Variants in CES3 observed in about 807,000 individuals in gnomAD.
CES3 encodes carboxylesterase 3 (brain).
CES3 carries 49 observed loss-of-function variants against 57.6 expected under a neutral mutation model. That is an observed-to-expected ratio of 0.85 (90% CI 0.68 to 1.08). CES3 has a LOEUF of 1.08. Ranked by LOEUF, CES3 falls within the 50% of genes least tolerant of loss-of-function variation. The probability of loss-of-function intolerance (pLI) is 0.00; values close to 1 mark genes in which losing one functional copy is unlikely to be tolerated. For synonymous variants in CES3, 266 were observed against 281.6 expected, an observed-to-expected ratio of 0.94 and a Z score of 0.55; for missense variants, 645 against 742.0, an observed-to-expected ratio of 0.87 and a Z score of 1.52.
rs745698163 is a variant in CES3, at chr16:66,963,952, G to T, written c.560+17G>T. The T allele has an allele frequency of 3.1e-6, 5 of 1,607,072 alleles. No homozygotes were observed. The highest frequency in any genetic ancestry group is 1.7e-6 in the Non-Finnish European group (2 of 1,174,556). On this transcript the variant is annotated intron_variant, in intron 4 of 12. Coordinates refer to ENST00000303334, the MANE Select transcript of CES3 (RefSeq NM_024922.6). This position sits in a 1 kb window ranked among gnomAD's most constrained non-coding sequence, Gnocchi z 4.9. ...CTTCTTCAGGTGAGACGACAGGCAT[G>T]GCCAGAGCACTGCCTGCACCGGGGA...
Position 66,961,295 on chromosome 16 carries a change from A to G in CES3, c.-13A>G. ...CACCTTCTGAAGCTTCTGTCGAACC[A>G]GTTGTAAGGAGAATGGAGAGAGCAG... On this transcript the variant is annotated 5_prime_UTR_variant, in exon 1 of 13. Coordinates refer to ENST00000303334, the MANE Select transcript of CES3 (RefSeq NM_024922.6). 1.2e-6 allele frequency: 2 copies of G among 1,611,642 alleles called. No homozygotes were observed. The highest frequency in any genetic ancestry group is 1.7e-6 in the Non-Finnish European group (2 of 1,178,128).
chr16:66,971,310 T>A lies in CES3; in HGVS notation c.1282T>A (p.Tyr428Asn), dbSNP rs1043545862. The stretch of plus-strand genomic sequence containing the variant: ...TGTTCCCACCGTCAGTTTTTCAAGA[T>A]ACCTTCGAGGTAAGCCTGTCCCTGG... ...INVPTVSFSR[Y>N]LRDSGSPVFF... is the part of the protein sequence containing the mutation. The change falls in exon 10 of 13, where the codon TAC (tyrosine) becomes AAC (asparagine). Residue 428 changes from tyrosine (Y) to asparagine (N), a missense_variant. Tyr to Asn is a moderately radical substitution (Grantham distance 143). Coordinates refer to ENST00000303334, the MANE Select transcript of CES3 (RefSeq NM_024922.6). The A allele has an allele frequency of 6.2e-7, 1 of 1,613,458 alleles. No homozygotes were observed.
chr16:66,968,377 A>G (rs1219738750), intron 8 of CES3, among the ~76,000 whole-genome samples: 1 of 152,066 alleles, frequency 6.6e-6, no homozygotes, highest in Non-Finnish European at 1.5e-5. Context: ...CATGTTGGAC[A>G]GGCTGATCTG....
chr16:66,972,410 C>T lies in CES3; in HGVS notation c.1346C>T (p.Ala449Val), dbSNP rs377199306. The T allele has an allele frequency of 3.2e-5, 51 of 1,613,418 alleles. 1 individual carries two copies. The South Asian group carries it at 4.8e-4, about 15-fold the overall frequency. ...YEFQHRPSSF[A>V]KIKPAWVKAD... ...TTCCAGCATCGACCCAGTTCTTTTG[C>T]GAAGATCAAACCTGCCTGGGTGAAG... The change falls in exon 11 of 13, where the codon GCG (alanine) becomes GTG (valine). Residue 449 changes from alanine (A) to valine (V), a missense_variant. By Grantham distance (64) the Ala-to-Val change is moderately conservative. Transcript: ENST00000303334.
At chr16:66,972,072 G>T (rs1198446194) in intron 10 of CES3, among the ~76,000 whole-genome samples, 1 of 152,166 alleles carries the variant, frequency 6.6e-6, no homozygotes, top group African/African-American at 2.4e-5. Context: ...GGGAGTCTCA[G>T]GCTGCAGTGA....
intron 8 of CES3, among the ~76,000 whole-genome samples, chr16:66,969,363 G>A (rs1023243387): frequency 6.6e-6 from 1 of 151,986 alleles, no homozygotes; most frequent in African/African-American, 2.4e-5. Context: ...CCGAGATTGC[G>A]CCACTGCACT....
chr16:66,972,904 A>G lies in CES3; in HGVS notation c.1571A>G (p.Glu524Gly), dbSNP rs1276606061. The G allele has an allele frequency of 6.2e-7, 1 of 1,614,058 alleles. No homozygotes were observed. The highest frequency in any genetic ancestry group is 1.3e-5 in the African/African-American group (1 of 74,926). Residue 524 changes from glutamate to glycine, a missense_variant, in exon 13 of 13, where the codon GAA (glutamate) becomes GGA (glycine). Transcript: ENST00000303334. The part of the protein sequence containing the change: ...LPPWPQFNQA[E>G]QYLEINPVPR... ...CCTTGGCCCCAATTCAACCAGGCGG[A>G]ACAATATCTGGAGATCAACCCAGTG...
At chr16:66,966,163 A>C in intron 6 of CES3, 81 bp from the exon 7 acceptor site, 1 of 1,259,832 alleles carries the variant, frequency 7.9e-7, no homozygotes, top group South Asian at 1.3e-5. Context: ...CTACAGATGC[A>C]CCCTCTCTGT....
At chr16:66,961,421 C>A (rs1471389042) in intron 1 of CES3, 32 bp downstream of exon 1, 6 of 1,572,972 alleles carry the variant, frequency 3.8e-6, no homozygotes, top group African/African-American at 1.3e-5. Context: ...TGCAGAGGTA[C>A]TTGGTGTGGA....
At chr16:66,966,576 C>A in intron 7 of CES3, 149 bp from the exon 8 acceptor site, 2 of 1,032,972 alleles carry the variant, frequency 1.9e-6, no homozygotes. Flanking sequence ...TCTCCTGGTT[C>A]CCCCGACCCC....
At chr16:66,961,666 C>G (rs545381986) in intron 1 of CES3, among the ~76,000 whole-genome samples, 1 of 152,074 alleles carries the variant, frequency 6.6e-6, no homozygotes, top group Non-Finnish European at 1.5e-5. Flanking sequence ...TGGATTCAAG[C>G]GATTCTCCTG....
At chr16:66,966,433 C>A (rs1045482788) in intron 7 of CES3, 88 bp downstream of exon 7, 1 of 1,352,618 alleles carries the variant, frequency 7.4e-7, no homozygotes, top group South Asian at 1.3e-5. Context: ...GCAGTCTACC[C>A]CCAGGTGGGG....
Position 66,963,407 on chromosome 16 carries a change from G to A in CES3, c.287+24G>A, listed in dbSNP as rs769305330. 58 of 1,611,302 alleles carry A rather than the reference G, an allele frequency of 3.6e-5. No individual in the cohort carries two copies. Among genetic ancestry groups the A allele is most frequent in the Non-Finnish European group, 4.6e-5 (54 of 1,178,492 alleles). On this transcript the variant is annotated intron_variant, in intron 2 of 12. Coordinates refer to ENST00000303334, the MANE Select transcript of CES3 (RefSeq NM_024922.6). This position sits in a 1 kb window ranked among gnomAD's most constrained non-coding sequence, Gnocchi z 4.9. ...ATGTGAGTAGTGCTGGTGGAGGCGG[G>A]CAAACAGGCAGGTTGCAGGAGAATC...
At chr16:66,966,586 C>T in intron 7 of CES3, 139 bp from the exon 8 acceptor site, 2 of 1,165,790 alleles carry the variant, frequency 1.7e-6, no homozygotes, top group Admixed American at 4.1e-5. Context: ...CCCCCGACCC[C>T]CTTAACCCTG....
intron 9 of CES3, 59 bp from the exon 10 acceptor site, chr16:66,971,113 G>A (rs1963823886): frequency 6.5e-7 from 1 of 1,547,028 alleles, no homozygotes; most frequent in African/African-American, 1.4e-5. Context: ...GGGGCTTCCT[G>A]GGATGGTCTG....
chr16:66,965,149 G>A (rs1388337141), intron 6 of CES3, among the ~76,000 whole-genome samples: 2 of 152,226 alleles, frequency 1.3e-5, no homozygotes, highest in East Asian at 3.8e-4. Context: ...ATCTGCAAAG[G>A]CTGCAGGTGT....
intron 1 of CES3, among the ~76,000 whole-genome samples, chr16:66,962,403 AAG>A (rs1339018487): frequency 1.3e-5 from 2 of 152,246 alleles, no homozygotes; most frequent in Admixed American, 6.5e-5. Flanking sequence ...AGAATACAGG[AAG>A]CTGGGTAATT....
At chr16:66,967,011 G>T (rs1021176445) in intron 8 of CES3, 146 bp downstream of exon 8, 23 of 982,132 alleles carry the variant, frequency 2.3e-5, no homozygotes, top group Non-Finnish European at 3.3e-5. Context: ...AAAGGTTTGA[G>T]GGACTTGCCC....
intron 9 of CES3, 137 bp downstream of exon 9, chr16:66,969,896 C>T (rs908513803): frequency 1.4e-6 from 1 of 719,288 alleles, no homozygotes; most frequent in East Asian, 2.7e-5. Context: ...CTTTGTCTAA[C>T]TGATCAATTT....
Sources: allele counts gnomAD v4.1 joint callset (sites outside exome capture counted in the v4.1 genomes callset), GRCh38; gene constraint gnomAD v4.1.1; non-coding constraint Gnocchi (gnomAD v3.1); transcripts MANE v1.5; gene names NCBI Gene and HGNC (gene_info 2026-07-23, HGNC 2026-07-21).